Variants in ATF7IP2 observed in about 807,000 individuals in gnomAD.
ATF7IP2 encodes activating transcription factor 7-interacting protein 2.
Under a neutral mutation model 64.2 loss-of-function variants are expected in ATF7IP2, and 42 were observed. That is an observed-to-expected ratio of 0.65 (90% CI 0.51 to 0.85). ATF7IP2 has a LOEUF of 0.85. ATF7IP2 is among the 40% of genes least tolerant of loss of function. The probability of loss-of-function intolerance (pLI) is 0.00; values close to 1 mark genes in which losing one functional copy is unlikely to be tolerated. For synonymous variants in ATF7IP2, 308 were observed against 272.8 expected (o/e 1.13, Z -1.27); for missense variants, 933 against 784.2 (o/e 1.19, Z -2.27).
chr16:10,444,326 G>A (rs1164063757), intron 8 of ATF7IP2, among the ~76,000 whole-genome samples: 1 of 152,112 alleles, frequency 6.6e-6, no homozygotes, highest in African/African-American at 2.4e-5. Flanking sequence ...ACCTGAGTGT[G>A]ATGGGTCTAC....
intron 9 of ATF7IP2, among the ~76,000 whole-genome samples, chr16:10,461,899 A>G (rs1022836785): frequency 5.3e-5 from 8 of 152,166 alleles, no homozygotes; most frequent in Admixed American, 1.3e-4. Flanking sequence ...ATTTATGCTT[A>G]GTGTAATCTG....
intron 3 of ATF7IP2, among the ~76,000 whole-genome samples, chr16:10,425,258 C>T (rs1313040945): frequency 3.7e-5 from 5 of 134,536 alleles, no homozygotes; most frequent in Non-Finnish European, 7.9e-5. Flanking sequence ...TTAGTAGAAA[C>T]GGGGTTTCAC....
intron 12 of ATF7IP2, among the ~76,000 whole-genome samples, chr16:10,476,803 A>G (rs1318665419): frequency 6.6e-6 from 1 of 152,134 alleles, no homozygotes; most frequent in East Asian, 1.9e-4. Flanking sequence ...AATGGCTTCT[A>G]GCTCCATCCA....
At chr16:10,417,647 C>T (rs1294162186) in intron 2 of ATF7IP2, among the ~76,000 whole-genome samples, 1 of 152,118 alleles carries the variant, frequency 6.6e-6, no homozygotes, top group African/African-American at 2.4e-5. Flanking sequence ...ACACCACACT[C>T]ATACTAGACA....
chr16:10,471,277 C>T (rs1364923614), intron 9 of ATF7IP2, among the ~76,000 whole-genome samples: 1 of 152,130 alleles, frequency 6.6e-6, no homozygotes, highest in Non-Finnish European at 1.5e-5. Flanking sequence ...CCTGTAATCC[C>T]AGCACTTTGG....
intron 1 of ATF7IP2, among the ~76,000 whole-genome samples, chr16:10,401,567 T>C (rs550009961): frequency 6.6e-6 from 1 of 152,314 alleles, no homozygotes; most frequent in East Asian, 1.9e-4. Flanking sequence ...AGTTTCTTTT[T>C]TTGCTGTGTC....
At chr16:10,452,052 C>G (rs1316851159) in intron 8 of ATF7IP2, among the ~76,000 whole-genome samples, 1 of 143,884 alleles carries the variant, frequency 7.0e-6, no homozygotes, top group Non-Finnish European at 1.5e-5. Flanking sequence ...AACTCCGTCC[C>G]AAAAAAAAAA....
intron 1 of ATF7IP2, among the ~76,000 whole-genome samples, chr16:10,412,014 T>G (rs1480368507): frequency 9.1e-5 from 13 of 142,532 alleles, no homozygotes; most frequent in African/African-American, 2.6e-4. Context: ...TTTTTTGTTT[T>G]TTTTTTTTTT....
chr16:10,425,785 C>A (rs577947541), intron 3 of ATF7IP2, among the ~76,000 whole-genome samples: 5 of 151,794 alleles, frequency 3.3e-5, no homozygotes, highest in African/African-American at 9.7e-5. Flanking sequence ...CCCAGCTGTT[C>A]GTGAGGCTGA....
intron 1 of ATF7IP2, among the ~76,000 whole-genome samples, chr16:10,403,887 G>C (rs7197987): frequency 0.79 from 119,845 of 152,176 alleles, 47,960 homozygotes; most frequent in African/African-American, 0.93. Context: ...TTAACCTAGT[G>C]AGACAAAAAT....
intron 1 of ATF7IP2, among the ~76,000 whole-genome samples, chr16:10,406,764 G>T (rs571583132): frequency 6.6e-6 from 1 of 152,114 alleles, no homozygotes; most frequent in Non-Finnish European, 1.5e-5. Flanking sequence ...CATAAAAGCC[G>T]TAATAAAACA....
intron 6 of ATF7IP2, 132 bp from the exon 7 acceptor site, chr16:10,437,953 GTATAGTTATATAAACA>G (rs1198736942): frequency 1.9e-6 from 1 of 515,582 alleles, no homozygotes; most frequent in East Asian, 3.9e-5. Flanking sequence ...AAACTTACTG[GTATAGTTATATAAACA>G]TACAAATATA....
chr16:10,467,096 A>G (rs1326781153), intron 9 of ATF7IP2, among the ~76,000 whole-genome samples: 1 of 152,138 alleles, frequency 6.6e-6, no homozygotes, highest in Non-Finnish European at 1.5e-5. Flanking sequence ...TAAGGGAATG[A>G]TATCACAAGG....
intron 8 of ATF7IP2, among the ~76,000 whole-genome samples, chr16:10,452,345 CTGTT>C (rs2049012277): frequency 6.6e-6 from 1 of 152,160 alleles, no homozygotes; most frequent in Non-Finnish European, 1.5e-5. Flanking sequence ...CTATTCCTTT[CTGTT>C]TGTTACTCTT....
intron 1 of ATF7IP2, chr16:10,386,686 A>G (rs2047210189): frequency 6.6e-6 from 1 of 152,078 alleles, no homozygotes; most frequent in Non-Finnish European, 1.5e-5. Context: ...GAAATCCCGT[A>G]CCTCTGAGCT....
In ATF7IP2 at chr16:10,440,412, C is replaced by G. The variant is rs1259210554; in HGVS notation, c.1144C>G (p.Gln382Glu). Residue 382 changes from glutamine (Q) to glutamate (E), a missense_variant, in exon 8 of 14, where the codon CAA becomes GAA. By Grantham distance (29) the Gln-to-Glu change is conservative. Coordinates refer to ENST00000562102, the MANE Select transcript of ATF7IP2 (RefSeq NM_001393719.1). The stretch of plus-strand genomic sequence containing the variant: ...ACGTATTAAAACAGTATTATTATTT[C>G]AAAGGAATTGTTTGAAACCAAACAT... ...QRRIKTVLLF[Q>E]RNCLKPNMLS... 2 of 1,567,186 alleles carry G rather than the reference C, an allele frequency of 1.3e-6. No homozygotes were observed.
intron 1 of ATF7IP2, among the ~76,000 whole-genome samples, chr16:10,409,533 T>A (rs2047709085): frequency 1.3e-5 from 2 of 152,104 alleles, no homozygotes; most frequent in South Asian, 4.1e-4. Context: ...AATGAGCCAT[T>A]CTCTTGCCTC....
intron 3 of ATF7IP2, among the ~76,000 whole-genome samples, chr16:10,422,892 T>C (rs2048013916): frequency 6.6e-6 from 1 of 152,210 alleles, no homozygotes; most frequent in Non-Finnish European, 1.5e-5. Context: ...TACTGCAATT[T>C]GAATTTCCCC....
intron 8 of ATF7IP2, among the ~76,000 whole-genome samples, chr16:10,452,870 T>C (rs1411359205): frequency 6.6e-6 from 1 of 152,136 alleles, no homozygotes; most frequent in African/African-American, 2.4e-5. Context: ...TCCCAGTGGC[T>C]TTGTTTGCAC....
Sources: allele counts gnomAD v4.1 joint callset (sites outside exome capture counted in the v4.1 genomes callset), GRCh38; gene constraint gnomAD v4.1.1; transcripts MANE v1.5; gene names NCBI Gene and HGNC (gene_info 2026-07-23, HGNC 2026-07-21).